The following PEX14 variants were observed in gnomAD, a reference collection of about 807,000 sequenced individuals.
The protein encoded by PEX14 is peroxisomal membrane protein PEX14.
PEX14 carries 15 observed loss-of-function variants against 49.5 expected under a neutral mutation model. The observed-to-expected ratio is 0.30, with a 90% CI of 0.20 to 0.47. The LOEUF is 0.47. Among genes scored for constraint, PEX14 ranks in the 20% least tolerant of loss-of-function variants. The probability of loss-of-function intolerance (pLI) is 1.00; values close to 1 mark genes in which losing one functional copy is unlikely to be tolerated. For synonymous variants in PEX14, 210 were observed against 212.7 expected (o/e 0.99, Z 0.11); for missense variants, 398 against 494.8 (o/e 0.80, Z 1.86).
chr1:10,625,322 C>T (rs923167832), intron 7 of PEX14, among the ~76,000 whole-genome samples: 1 of 152,214 alleles, frequency 6.6e-6, no homozygotes, highest in Non-Finnish European at 1.5e-5. Context: ...CCTTGTCCCA[C>T]AGCTCTGTGG....
rs114737898 is a variant in PEX14 at position 10,598,310 on chromosome 1, C to T, written c.170-928C>T. 3.9e-3 allele frequency among the ~76,000 whole-genome samples: 598 copies of T among 152,312 alleles called. 4 individuals are homozygous for T. Among genetic ancestry groups the T allele is most frequent in the African/African-American group, 0.014 (569 of 41,572 alleles). On this transcript the variant is annotated intron_variant, in intron 3 of 8. Transcript: ENST00000356607. ...TGTGACCGCTCCTTTCATACTTGAG[C>T]GCCACATTTCATTCTGTTCTTTGGG...
At chr1:10,586,626 A>G (rs1449095795) in intron 3 of PEX14, among the ~76,000 whole-genome samples, 1 of 108,444 alleles carries the variant, frequency 9.2e-6, no homozygotes, top group Non-Finnish European at 2.0e-5. Context: ...GGAGCCGTTT[A>G]CCTTTTTTTT....
At chr1:10,625,223 A>G (rs1641709901) in intron 7 of PEX14, among the ~76,000 whole-genome samples, 2 of 152,110 alleles carry the variant, frequency 1.3e-5, no homozygotes, top group African/African-American at 2.4e-5. Context: ...TGGGTAACAG[A>G]GGTCATCCCT....
chr1:10,513,835 C>T (rs1641925660), intron 2 of PEX14, among the ~76,000 whole-genome samples: 1 of 152,116 alleles, frequency 6.6e-6, no homozygotes, highest in African/African-American at 2.4e-5. Context: ...GCCGTATTGC[C>T]GGGAGCTGTC....
chr1:10,498,638 T>A (rs2124409169), intron 2 of PEX14, among the ~76,000 whole-genome samples: 1 of 152,300 alleles, frequency 6.6e-6, no homozygotes, highest in Non-Finnish European at 1.5e-5. Context: ...GGCCTCCAAA[T>A]CAAACCAACC....
chr1:10,579,587 G>C (rs1291533074), intron 3 of PEX14, among the ~76,000 whole-genome samples: 1 of 152,168 alleles, frequency 6.6e-6, no homozygotes, highest in Non-Finnish European at 1.5e-5. Flanking sequence ...TCCACAGACA[G>C]AGCAGCCCTG....
chr1:10,522,678 T>G (rs1638340041), intron 2 of PEX14, among the ~76,000 whole-genome samples: 1 of 152,244 alleles, frequency 6.6e-6, no homozygotes, highest in African/African-American at 2.4e-5. Context: ...AATCTCTGGC[T>G]TCCTGCTTCT....
rs114985107 is a variant in PEX14 at position 10,504,400 on chromosome 1, T to C, written c.84+9079T>C. The stretch of plus-strand genomic sequence containing the variant: ...TCAGAGGCAGAGAGGAACTAACTCA[T>C]AGCCCCCAGTGGAGCAGGAGTCTGG... On this transcript the variant is annotated intron_variant, in intron 2 of 8. Transcript: ENST00000356607. Among the ~76,000 whole-genome samples the C allele has an allele frequency of 3.3e-3, 505 of 152,308 alleles. 3 individuals are homozygous for C. Among genetic ancestry groups the C allele is most frequent in the African/African-American group, 0.012 (484 of 41,556 alleles).
chr1:10,497,081 C>T (rs1641580445), intron 2 of PEX14, among the ~76,000 whole-genome samples: 1 of 151,978 alleles, frequency 6.6e-6, no homozygotes, highest in Non-Finnish European at 1.5e-5. Flanking sequence ...TTCTCCTTCC[C>T]CCACTTTTTT....
At chr1:10,523,797 C>T (rs918347484) in intron 2 of PEX14, among the ~76,000 whole-genome samples, 5 of 134,782 alleles carry the variant, frequency 3.7e-5, no homozygotes, top group African/African-American at 1.4e-4. Flanking sequence ...TTCATTCAAA[C>T]TTACAAGAAA....
At chr1:10,500,185 C>T (rs1335775073) in intron 2 of PEX14, among the ~76,000 whole-genome samples, 3 of 151,150 alleles carry the variant, frequency 2.0e-5, no homozygotes, top group Non-Finnish European at 4.4e-5. Flanking sequence ...GGTGGATCAC[C>T]TGAGGTCAGG....
intron 3 of PEX14, among the ~76,000 whole-genome samples, chr1:10,560,529 A>C (rs1639622133): frequency 6.6e-6 from 1 of 150,502 alleles, no homozygotes; most frequent in African/African-American, 2.5e-5. Context: ...GACCCAGCTA[A>C]TTTTTTGTTT....
Position 10,622,931 on chromosome 1 carries a change from G to C in PEX14, c.385-88G>C, listed in dbSNP as rs1553121452. ...GGTTTCCAAAACCCAGGGATGACAG[G>C]GAGAAAGTTGGGCGGCAGAATTTGA... On this transcript the variant is annotated intron_variant, in intron 5 of 8. Transcript: ENST00000356607. The C allele has an allele frequency of 7.8e-6, 7 of 891,894 alleles. No homozygotes were observed. In the South Asian group the frequency reaches 9.8e-5, roughly 13 times the overall value. The allele number at this position is 891,894 out of a possible 1,614,324, so 55.2% of individuals were successfully genotyped here. A position where few individuals can be genotyped will look rare whatever the true frequency, so the allele number is the denominator to read the frequency against.
At chr1:10,610,705 G>A (rs1055009833) in intron 4 of PEX14, among the ~76,000 whole-genome samples, 1 of 151,956 alleles carries the variant, frequency 6.6e-6, no homozygotes, top group African/African-American at 2.4e-5. Flanking sequence ...GGCTGGTCTC[G>A]AACTCCTGAA....
rs1557443140 is a variant in PEX14, at chr1:10,629,961, G to A, written c.1108G>A (p.Ala370Thr). 2 of 1,610,986 alleles carry A rather than the reference G, an allele frequency of 1.2e-6. No homozygotes were observed. The highest frequency in any genetic ancestry group is 8.5e-7 in the Non-Finnish European group (1 of 1,179,670). ...GGAGAAGCTGCGGCGGCCCGAGGGC[G>A]CCAGCAACGAGAGTGAGCGGGACTA... ...QVEKLRRPEG[A>T]SNESERD The change falls in exon 9 of 9, where the codon GCC (alanine) becomes ACC (threonine). Residue 370 changes from alanine (A) to threonine (T), a missense_variant. This residue lies in a region of PEX14 where 140 missense variants were observed against 155.5 expected (regional missense o/e 0.90). Transcript: ENST00000356607. This position sits in a 1 kb window ranked among gnomAD's most constrained non-coding sequence, Gnocchi z 8.5.
At chr1:10,622,236 G>C (rs931994060) in intron 5 of PEX14, among the ~76,000 whole-genome samples, 1 of 152,174 alleles carries the variant, frequency 6.6e-6, no homozygotes, top group African/African-American at 2.4e-5. Flanking sequence ...GCCCCTGTGA[G>C]GGGTGGCCCT....
chr1:10,613,051 C>T lies in PEX14; in HGVS notation c.299-5281C>T, dbSNP rs977266423. On this transcript the variant is annotated intron_variant, in intron 4 of 8. Transcript: ENST00000356607. The surrounding 1 kb of genome is among the most constrained non-coding windows in gnomAD (Gnocchi z 5.0). Reference sequence around the variant, plus strand: ...GCCTGTTGTCTCGGCAGGATGGTTCCGTGACAGCTCTCAGCTCTGTGTTGC... The same window carrying T: ...GCCTGTTGTCTCGGCAGGATGGTTCTGTGACAGCTCTCAGCTCTGTGTTGC... Among the ~76,000 whole-genome samples the T allele has an allele frequency of 4.6e-5, 7 of 152,208 alleles. No homozygotes were observed. Among genetic ancestry groups the T allele is most frequent in the African/African-American group, 1.7e-4 (7 of 41,444 alleles).
intron 1 of PEX14, among the ~76,000 whole-genome samples, chr1:10,484,604 T>C (rs1451619785): frequency 6.6e-6 from 1 of 151,786 alleles, no homozygotes; most frequent in Non-Finnish European, 1.5e-5. Context: ...ACCACAAATT[T>C]AGCCGCTTGG....
intron 5 of PEX14, among the ~76,000 whole-genome samples, chr1:10,619,169 T>C (rs1196815157): frequency 6.6e-6 from 1 of 152,116 alleles, no homozygotes; most frequent in Non-Finnish European, 1.5e-5. Flanking sequence ...ATTGACTCCC[T>C]TGTGAAGGCC....
Sources: allele counts gnomAD v4.1 joint callset (sites outside exome capture counted in the v4.1 genomes callset), GRCh38; gene constraint gnomAD v4.1.1; regional missense constraint gnomAD v4.1.1; non-coding constraint Gnocchi (gnomAD v3.1); transcripts MANE v1.5; gene names NCBI Gene and HGNC (gene_info 2026-07-23, HGNC 2026-07-21).